NFRKB: variants seen among roughly 807,000 people sequenced by gnomAD.
NFRKB encodes the protein nuclear factor related to kappaB binding protein.
Under a neutral mutation model 135.7 loss-of-function variants are expected in NFRKB, and 62 were observed. The observed-to-expected ratio is 0.46, with a 90% CI of 0.37 to 0.56. NFRKB has a LOEUF of 0.56. NFRKB is among the 20% of genes least tolerant of loss of function. The probability of loss-of-function intolerance (pLI) is 0.00; values close to 1 mark genes in which losing one functional copy is unlikely to be tolerated. For missense variants in NFRKB, 1,545 were observed against 1,662.0 expected, an observed-to-expected ratio of 0.93 and a Z score of 1.22; for synonymous variants, 678 against 635.6, an observed-to-expected ratio of 1.07 and a Z score of -1.00.
chr11:129,865,753 G>A (rs909358656), intron 25 of NFRKB, 124 bp downstream of exon 25: 12 of 743,266 alleles, frequency 1.6e-5, no homozygotes, highest in Middle Eastern at 6.8e-4. Flanking sequence ...GCACAATAAA[G>A]CAGAGGTGTC....
chr11:129,894,523 G>C (rs1281542533), intron 1 of NFRKB, 85 bp from the exon 2 acceptor site: 1 of 152,218 alleles, frequency 6.6e-6, no homozygotes, highest in Non-Finnish European at 1.5e-5. Context: ...CAATGATAAA[G>C]AACAGTTCTA....
chr11:129,881,632 C>T, intron 12 of NFRKB, 95 bp downstream of exon 12: 1 of 1,585,982 alleles, frequency 6.3e-7, no homozygotes, highest in African/African-American at 1.3e-5. Context: ...TATGCAAAGG[C>T]ATGATGGATT....
In NFRKB at chr11:129,865,086, G is replaced by A; in HGVS notation, c.3654C>T (p.Gly1218=). 1 of 1,610,304 alleles carries A rather than the reference G, an allele frequency of 6.2e-7. No homozygotes were observed. Among genetic ancestry groups the A allele is most frequent in the East Asian group, 2.2e-5 (1 of 44,770 alleles). ...GNLGANLSGL[G]RNIILTTMPA... ...GCATAGTTGTGAGGATGATGTTGCG[G>A]CCCAACCCACTGAGGCTGTGGAGGG... is the stretch of plus-strand genomic sequence containing the variant. Residue 1218 remains glycine, a synonymous_variant, in exon 26 of 27, where the codon GGC becomes GGT. Transcript: ENST00000682444.
At chr11:129,877,617 A>G (rs111573749) in intron 15 of NFRKB, among the ~76,000 whole-genome samples, 4,318 of 152,324 alleles carry the variant, frequency 0.028, 197 homozygotes, top group African/African-American at 0.099. Context: ...GGATAGATGG[A>G]CAAGAGGCTG....
intron 1 of NFRKB, among the ~76,000 whole-genome samples, chr11:129,894,877 A>G (rs561559663): frequency 5.2e-4 from 79 of 152,382 alleles, no homozygotes; most frequent in Middle Eastern, 6.8e-3. Context: ...CTGCAAAGTC[A>G]GTGTCCTACC....
rs140343907 is a variant in NFRKB at position 129,884,103 on chromosome 11, T to C, written c.783A>G (p.Leu261=). 2 of 1,614,104 alleles carry C rather than the reference T, an allele frequency of 1.2e-6. No homozygotes were observed. Residue 261 remains leucine (L), a synonymous_variant, in exon 8 of 27, where the codon TTA becomes TTG. Coordinates refer to ENST00000682444, the MANE Select transcript of NFRKB (RefSeq NM_001143835.2). ...ELGDSDLKIM[L]KKHHEKRKHQ... ...GTTTCCGCTTCTCGTGGTGCTTCTT[T>C]AACATTATCTTCAGGTCACTGTCCC...
Position 129,882,324 on chromosome 11 carries a change from G to C in NFRKB, c.1082+127C>G, listed in dbSNP as rs1949068036. On this transcript the variant is annotated intron_variant, in intron 10 of 26. Transcript: ENST00000682444. ...GAGCAAACAATATATTTTCCCAGCA[G>C]TATCCCTGGGACTTCAGGTCTACAA... 6 of 1,337,700 alleles carry C rather than the reference G, an allele frequency of 4.5e-6. No individual in the cohort carries two copies. The South Asian group carries it at 8.4e-5, about 19-fold the overall frequency. The allele number at this position is 1,337,700 out of a possible 1,614,324, so 82.9% of individuals were successfully genotyped here.
In NFRKB at chr11:129,872,867, G is replaced by A. The variant is rs372390294; in HGVS notation, c.2763+17C>T. 6.3e-7 allele frequency: 1 copy of A among 1,576,704 alleles called. No homozygotes were observed. Among genetic ancestry groups the A allele is most frequent in the African/African-American group, 1.3e-5 (1 of 74,330 alleles). On this transcript the variant is annotated intron_variant, in intron 23 of 26. Transcript: ENST00000682444. ...AGGATGAAGGATTGAGATCCACGTG[G>A]AAAGAGCCCCACCTACCTGCTTGAT...
At chr11:129,877,585 G>A (rs1032170084) in intron 15 of NFRKB, among the ~76,000 whole-genome samples, 200 bp from the exon 16 acceptor site, 13 of 152,184 alleles carry the variant, frequency 8.5e-5, no homozygotes, top group Non-Finnish European at 1.9e-4. Context: ...TTGATTCTTA[G>A]AAACCCAGAA....
chr11:129,865,793 T>C, intron 25 of NFRKB, 84 bp downstream of exon 25: 1 of 1,211,410 alleles, frequency 8.3e-7, no homozygotes, highest in Non-Finnish European at 1.2e-6. Flanking sequence ...ACCAGCCACT[T>C]TGCCACTCGG....
chr11:129,882,477 C>T lies in NFRKB; in HGVS notation c.1056G>A (p.Pro352=), dbSNP rs761703854. The part of the protein sequence containing the change: ...GVAPLSQAPS[P]LAIPAIKEEP... ...CTTCCTTGATAGCAGGAATTGCCAG[C>T]GGAGAGGGGGCCTGTGAGAGAGGTG... Residue 352 remains proline (P), a synonymous_variant, in exon 10 of 27, where the codon CCG becomes CCA. Transcript: ENST00000682444. 2.0e-5 allele frequency: 33 copies of T among 1,613,046 alleles called. No homozygotes were observed. Among genetic ancestry groups the T allele is most frequent in the African/African-American group, 4.0e-5 (3 of 74,858 alleles).
Position 129,876,520 on chromosome 11 carries a change from G to T in NFRKB, c.1747+201C>A, listed in dbSNP as rs376422100. ...GAGCAACTCCTAAATGAACATAAAT[G>T]TAAGCCCAGACTTAAGGAAGAAGAC... On this transcript the variant is annotated intron_variant, in intron 17 of 26. Transcript: ENST00000682444. 2.1e-4 allele frequency among the ~76,000 whole-genome samples: 32 copies of T among 152,248 alleles called. No individual in the cohort carries two copies. The South Asian group carries it at 5.8e-3, about 28-fold the overall frequency.
rs770016393 is a variant in NFRKB at position 129,885,627 on chromosome 11, G to T, written c.466-18C>A. On this transcript the variant is annotated intron_variant, in intron 5 of 26. Transcript: ENST00000682444. ...AGCAGATCCTAGGTAGAGATCAGGTGGGGGTACAAGTCATCATCCAAGACC... is the reference window on the plus strand; with the variant it reads ...AGCAGATCCTAGGTAGAGATCAGGTTGGGGTACAAGTCATCATCCAAGACC... 3 of 1,589,926 alleles carry T rather than the reference G, an allele frequency of 1.9e-6. No individual in the cohort carries two copies. The highest frequency in any genetic ancestry group is 1.3e-5 in the African/African-American group (1 of 74,462).
In NFRKB at chr11:129,874,549, A is replaced by C. The variant is rs1169888651; in HGVS notation, c.2010T>G (p.Ala670=). 1 of 1,614,144 alleles carries C rather than the reference A, an allele frequency of 6.2e-7. No homozygotes were observed. Among genetic ancestry groups the C allele is most frequent in the Admixed American group, 1.7e-5 (1 of 60,008 alleles). Residue 670 remains alanine, a synonymous_variant, in exon 20 of 27, where the codon GCT becomes GCG. Coordinates refer to ENST00000682444, the MANE Select transcript of NFRKB (RefSeq NM_001143835.2). The surrounding 1 kb of genome is among the most constrained non-coding windows in gnomAD (Gnocchi z 4.5). ...ERIHQAQAAA[A]KARKALQQKP... The stretch of plus-strand genomic sequence containing the variant: ...TTTGCTGAAGAGCTTTTCTGGCTTT[A>C]GCTGCAGCTGCTTGTGCTTGGTGAA...
Position 129,877,234 on chromosome 11 carries a change from G to GC in NFRKB, c.1572+90dup. On this transcript the variant is annotated intron_variant, in intron 16 of 26. Transcript: ENST00000682444. ...CTAAGGGGAAAGGTATGAGTTTCTT[G>GC]CAAGAAGGTAGATGCAGGAGAGTCA... The GC allele has an allele frequency of 3.8e-6, 5 of 1,303,214 alleles. No homozygotes were observed. In the South Asian group the frequency reaches 6.0e-5, roughly 16 times the overall value. The allele number at this position is 1,303,214 out of a possible 1,614,324, so 80.7% of individuals were successfully genotyped here. A position where few individuals can be genotyped will look rare whatever the true frequency, so the allele number is the denominator to read the frequency against.
At chr11:129,877,026 T>A in intron 16 of NFRKB, 131 bp from the exon 17 acceptor site, 3 of 990,264 alleles carry the variant, frequency 3.0e-6, no homozygotes, top group Non-Finnish European at 4.5e-6. Flanking sequence ...ATGATTCTAG[T>A]AGGAATGTTC....
intron 22 of NFRKB, among the ~76,000 whole-genome samples, chr11:129,873,437 A>G (rs1948611709): frequency 6.6e-6 from 1 of 152,252 alleles, no homozygotes; most frequent in Non-Finnish European, 1.5e-5. Context: ...CTAGAGGCAC[A>G]GCAGAAGGAG....
intron 3 of NFRKB, among the ~76,000 whole-genome samples, chr11:129,889,860 A>G (rs1477397338): frequency 1.3e-5 from 2 of 151,696 alleles, no homozygotes; most frequent in Non-Finnish European, 2.9e-5. Context: ...ATGGAGAGGG[A>G]TAAGACAGGG....
At chr11:129,873,615 G>A (rs769102540) in intron 22 of NFRKB, 130 bp downstream of exon 22, 27 of 1,274,594 alleles carry the variant, frequency 2.1e-5, no homozygotes, top group East Asian at 1.9e-4. Flanking sequence ...GGCTTATTCC[G>A]ATGAATGTCA....
Sources: allele counts gnomAD v4.1 joint callset (sites outside exome capture counted in the v4.1 genomes callset), GRCh38; gene constraint gnomAD v4.1.1; non-coding constraint Gnocchi (gnomAD v3.1); transcripts MANE v1.5; gene names NCBI Gene and HGNC (gene_info 2026-07-23, HGNC 2026-07-21).